Variants in RIPOR2 observed in about 807,000 individuals in gnomAD.
RIPOR2 encodes the protein RHO family interacting cell polarization regulator 2.
RIPOR2 carries 39 observed loss-of-function variants against 114.5 expected under a neutral mutation model. The ratio of observed to expected loss-of-function variants is 0.34; its 90% CI spans 0.26 to 0.44. RIPOR2 has a LOEUF of 0.44. Ranked by LOEUF, RIPOR2 falls within the 20% of genes least tolerant of loss-of-function variation. RIPOR2 has a pLI of 1.00. For synonymous variants in RIPOR2, 445 were observed against 484.4 expected, an observed-to-expected ratio of 0.92 and a Z score of 1.07; for missense variants, 1,007 against 1,255.1, an observed-to-expected ratio of 0.80 and a Z score of 2.99.
intron 8 of RIPOR2, among the ~76,000 whole-genome samples, chr6:24,859,250 T>G (rs1372324208): frequency 6.6e-6 from 1 of 152,184 alleles, no homozygotes; most frequent in Non-Finnish European, 1.5e-5. Context: ...TATAGTACTT[T>G]TTTATATTAG....
At chr6:25,007,428 C>A (rs1386554417) in intron 1 of RIPOR2, among the ~76,000 whole-genome samples, 1 of 152,160 alleles carries the variant, frequency 6.6e-6, no homozygotes, top group African/African-American at 2.4e-5. Context: ...AATACTATGA[C>A]AAATCCTCAC....
chr6:24,926,823 A>AATCATCATCATC (rs372184754), intron 1 of RIPOR2, among the ~76,000 whole-genome samples: 5 of 151,208 alleles, frequency 3.3e-5, no homozygotes, highest in African/African-American at 1.2e-4. Context: ...TTGAGTGGTT[A>AATCATCATCATC]ATCATCATCA....
At position 25,026,128 on chromosome 6, in the gene RIPOR2, A is replaced by G. The variant is rs368564750; in HGVS notation, c.76+15723T>C. Reference sequence around the variant, plus strand: ...CAAGACAGGTTTATAAATGAATGCTACTCACAGGTGGAAACTAGAATGAAC... The same window carrying G: ...CAAGACAGGTTTATAAATGAATGCTGCTCACAGGTGGAAACTAGAATGAAC... On this transcript the variant is annotated intron_variant, in intron 1 of 13. Transcript: ENST00000510784. Among the ~76,000 whole-genome samples, 30 of 152,048 alleles carry G rather than the reference A, an allele frequency of 2.0e-4. No individual in the cohort carries two copies. In the South Asian group the frequency reaches 5.2e-3, roughly 26 times the overall value.
At chr6:25,009,466 T>A (rs974906485) in intron 1 of RIPOR2, among the ~76,000 whole-genome samples, 12 of 152,216 alleles carry the variant, frequency 7.9e-5, no homozygotes, top group Admixed American at 6.5e-5. Flanking sequence ...TTCTGCCAGA[T>A]AAATACCAAT....
At chr6:24,916,005 G>T (rs986351641) in intron 1 of RIPOR2, among the ~76,000 whole-genome samples, 2 of 152,198 alleles carry the variant, frequency 1.3e-5, no homozygotes, top group Non-Finnish European at 2.9e-5. Flanking sequence ...TCGATGCCTG[G>T]GTTCTATTTT....
At chr6:24,849,990 G>T in intron 10 of RIPOR2, 40 bp from the exon 11 acceptor site, 1 of 1,565,004 alleles carries the variant, frequency 6.4e-7, no homozygotes, top group Non-Finnish European at 8.7e-7. Context: ...TTACATCACA[G>T]CAGAGGAGAA....
At chr6:24,939,719 C>G (rs187527257), upstream of RIPOR2, among the ~76,000 whole-genome samples, 7 of 152,240 alleles carry the variant, frequency 4.6e-5, no homozygotes, top group East Asian at 9.6e-4. Context: ...AAGTCTGAAA[C>G]AACAATGAAA....
intron 1 of RIPOR2, chr6:24,910,913 A>T: frequency 1.0e-6 from 1 of 985,146 alleles, no homozygotes. Context: ...AGCTGCCCGC[A>T]CCTCCGGCTT....
At chr6:24,818,502 C>A (rs1475598318) in intron 20 of RIPOR2, 40 bp downstream of exon 20, 1 of 1,350,502 alleles carries the variant, frequency 7.4e-7, no homozygotes, top group Admixed American at 2.2e-5. Flanking sequence ...AGCCTGGCTC[C>A]AAGCTGAGCT....
At chr6:25,012,819 T>A (rs1317598822) in intron 1 of RIPOR2, among the ~76,000 whole-genome samples, 1 of 152,216 alleles carries the variant, frequency 6.6e-6, no homozygotes, top group Non-Finnish European at 1.5e-5. Context: ...TGATGATGGC[T>A]GCTCAACTTG....
intron 1 of RIPOR2, among the ~76,000 whole-genome samples, chr6:24,880,353 T>C (rs760369048): frequency 3.9e-5 from 6 of 152,096 alleles, no homozygotes; most frequent in Admixed American, 6.6e-5. Flanking sequence ...AACTACAGAA[T>C]GAAACAGAGT....
At chr6:24,866,458 A>G (rs1372056373) in intron 6 of RIPOR2, among the ~76,000 whole-genome samples, 1 of 152,032 alleles carries the variant, frequency 6.6e-6, no homozygotes, top group African/African-American at 2.4e-5. Context: ...CCTATAATGC[A>G]GAGGACAGCT....
Position 24,976,691 on chromosome 6 carries a change from G to A in RIPOR2, c.76+65160C>T, listed in dbSNP as rs1017204139. On this transcript the variant is annotated intron_variant, in intron 1 of 13. Coordinates refer to the RIPOR2 transcript ENST00000510784. Reference sequence around the variant, plus strand: ...ATGTGTCAGGGTGGTGACTTCACACGCCATAATGGCACTGGTGGCAAGTCA... The same window carrying A: ...ATGTGTCAGGGTGGTGACTTCACACACCATAATGGCACTGGTGGCAAGTCA... 8.7e-6 allele frequency: 14 copies of A among 1,607,408 alleles called. No homozygotes were observed. In the African/African-American group the frequency reaches 1.3e-4, roughly 15 times the overall value.
chr6:24,976,046 C>T (rs1317355414), intron 1 of RIPOR2, among the ~76,000 whole-genome samples: 1 of 151,900 alleles, frequency 6.6e-6, no homozygotes, highest in East Asian at 1.9e-4. Flanking sequence ...TTTATTAACA[C>T]CTAAAGAAAT....
At chr6:24,873,898 A>T in intron 2 of RIPOR2, 99 bp from the exon 3 acceptor site, 1 of 1,051,272 alleles carries the variant, frequency 9.5e-7, no homozygotes, top group Non-Finnish European at 1.4e-6. Context: ...TTTAGAGACA[A>T]AGTCTTCTTC....
intron 7 of RIPOR2, among the ~76,000 whole-genome samples, chr6:24,864,895 A>C (rs771970512): frequency 6.6e-6 from 1 of 152,228 alleles, no homozygotes; most frequent in Non-Finnish European, 1.5e-5. Context: ...TTACACTAGA[A>C]TATTTAGAAG....
intron 1 of RIPOR2, chr6:25,024,420 A>T: frequency 9.5e-7 from 1 of 1,048,308 alleles, no homozygotes; most frequent in Non-Finnish European, 1.5e-6. Context: ...CACCCACACG[A>T]GGATGCAGGA....
chr6:25,019,774 C>CAAAAAAAAAAAAAAAAAA (rs34107737), intron 1 of RIPOR2, among the ~76,000 whole-genome samples: 35 of 53,090 alleles, frequency 6.6e-4, no homozygotes, highest in East Asian at 8.3e-4. Context: ...GACTCTGTCT[C>CAAAAAAAAAAAAAAAAAA]AAAAAAAAAA....
intron 11 of RIPOR2, among the ~76,000 whole-genome samples, 188 bp downstream of exon 11, chr6:24,849,614 C>G (rs1762655508): frequency 1.3e-5 from 2 of 152,238 alleles, no homozygotes. Context: ...GTGCACCTTA[C>G]CCGGGGAGTT....
Sources: gnomAD v4.1 joint callset for allele counts (sites outside exome capture counted in the v4.1 genomes callset) on GRCh38, gnomAD v4.1.1 for gene constraint, MANE v1.5 for transcripts, NCBI Gene and HGNC (gene_info 2026-07-23, HGNC 2026-07-21) for gene names.